Variants in KCND2 observed in about 807,000 individuals in gnomAD.
KCND2 encodes the protein potassium voltage-gated channel subfamily D member 2, also known as A-type voltage-gated potassium channel KCND2.
A neutral mutation model predicts 54.4 loss-of-function variants in KCND2; 16 were observed. The observed-to-expected ratio is 0.29, with a 90% CI of 0.20 to 0.45. The LOEUF is 0.45. Among genes scored for constraint, KCND2 ranks in the 20% least tolerant of loss-of-function variants. The pLI, the probability that KCND2 is intolerant of heterozygous loss-of-function variation, is 1.00. For missense variants in KCND2, 486 were observed against 824.2 expected (o/e 0.59, Z 5.02); for synonymous variants, 317 against 310.7 (o/e 1.02, Z -0.21).
chr7:120,315,857 A>C (rs1035156100), intron 1 of KCND2, among the ~76,000 whole-genome samples: 3 of 151,578 alleles, frequency 2.0e-5, no homozygotes, highest in African/African-American at 4.9e-5. Context: ...ATGGACTAAA[A>C]ATTTGATCCA....
rs1377084926 is a variant in KCND2, at chr7:120,446,557, CACACACAT to C, written c.1115+170816_1115+170823del. 3.8e-3 allele frequency among the ~76,000 whole-genome samples: 519 copies of C among 136,360 alleles called. 2 individuals are homozygous for C. The highest frequency in any genetic ancestry group is 0.016 in the African/African-American group (495 of 30,592). 89.5% of individuals were successfully genotyped at this position (136,360 alleles called of 152,430 possible). A position where few individuals can be genotyped will look rare whatever the true frequency, so the allele number is the denominator to read the frequency against. Reference sequence around the variant, plus strand: ...ATACCATATTATAAACACACACACACACACACATACACATACACATACACTGATACACT... The same window carrying C: ...ATACCATATTATAAACACACACACACACACATACACATACACTGATACACT... On this transcript the variant is annotated intron_variant, in intron 1 of 5. Coordinates refer to ENST00000331113, the MANE Select transcript of KCND2 (RefSeq NM_012281.3).
chr7:120,439,634 G>C (rs568406685), intron 1 of KCND2, among the ~76,000 whole-genome samples: 7 of 151,922 alleles, frequency 4.6e-5, no homozygotes, highest in Non-Finnish European at 1.0e-4. Flanking sequence ...TTTTGTACCT[G>C]CTAACCAAAC....
chr7:120,487,870 A>G (rs747532200), intron 1 of KCND2, among the ~76,000 whole-genome samples: 15 of 152,096 alleles, frequency 9.9e-5, no homozygotes, highest in Non-Finnish European at 1.5e-4. Flanking sequence ...ATAACGAGTA[A>G]AAAACCAAAT....
At chr7:120,558,433 A>T (rs1792191649) in intron 1 of KCND2, among the ~76,000 whole-genome samples, 1 of 152,138 alleles carries the variant, frequency 6.6e-6, no homozygotes, top group Admixed American at 6.6e-5. Context: ...ACACACAAAC[A>T]CATCCTCACC....
intron 1 of KCND2, among the ~76,000 whole-genome samples, chr7:120,325,525 T>C (rs1799961505): frequency 6.6e-6 from 1 of 151,694 alleles, no homozygotes; most frequent in East Asian, 1.9e-4. Flanking sequence ...TGTTGAATTT[T>C]GTCAAAGGCC....
rs1031887816 is a variant in KCND2 at position 120,583,787 on chromosome 7, G to C, written c.1116-149116G>C. On this transcript the variant is annotated intron_variant, in intron 1 of 5. Transcript: ENST00000331113. ...TAGGAATTCAGCATAGGAATTGTGG[G>C]GGGGGGGACAAAATTCAGCACATAA... Among the ~76,000 whole-genome samples, 19 of 149,750 alleles carry C rather than the reference G, an allele frequency of 1.3e-4. 2 individuals carry two copies. In the South Asian group the frequency reaches 2.8e-3, roughly 22 times the overall value.
chr7:120,704,343 GT>G (rs1175171430), intron 1 of KCND2, among the ~76,000 whole-genome samples: 2 of 151,350 alleles, frequency 1.3e-5, no homozygotes, highest in East Asian at 3.9e-4. Flanking sequence ...AAATTTTCAG[GT>G]TTTTTTTTCT....
chr7:120,452,896 C>A, intron 1 of KCND2, among the ~76,000 whole-genome samples: 1 of 152,150 alleles, frequency 6.6e-6, no homozygotes, highest in Non-Finnish European at 1.5e-5. Context: ...GGAGCCAGTA[C>A]CATCTGAGCA....
intron 1 of KCND2, among the ~76,000 whole-genome samples, chr7:120,716,916 A>C (rs1244147195): frequency 6.6e-6 from 1 of 152,066 alleles, no homozygotes; most frequent in Non-Finnish European, 1.5e-5. Context: ...ATGGTACTGA[A>C]CTCAATATTT....
intron 1 of KCND2, among the ~76,000 whole-genome samples, chr7:120,570,040 G>A (rs527430285): frequency 3.9e-5 from 6 of 152,136 alleles, no homozygotes; most frequent in African/African-American, 7.2e-5. Flanking sequence ...AGAAGTGTCC[G>A]TGTCCCTTTT....
intron 1 of KCND2, among the ~76,000 whole-genome samples, chr7:120,494,326 A>G (rs777249420): frequency 3.9e-5 from 6 of 152,096 alleles, no homozygotes; most frequent in Non-Finnish European, 7.4e-5. Flanking sequence ...GTTTATTTCT[A>G]TATATTGTGA....
At chr7:120,684,225 G>A (rs1007611594) in intron 1 of KCND2, among the ~76,000 whole-genome samples, 23 of 152,064 alleles carry the variant, frequency 1.5e-4, no homozygotes, top group African/African-American at 5.6e-4. Context: ...TTCAGAAACA[G>A]CAAGTTCACG....
At chr7:120,330,970 C>A (rs1800059205) in intron 1 of KCND2, among the ~76,000 whole-genome samples, 1 of 151,956 alleles carries the variant, frequency 6.6e-6, no homozygotes, top group Non-Finnish European at 1.5e-5. Context: ...ATATTTCCAA[C>A]TGAAGATTGA....
chr7:120,530,429 C>T (rs1254472550), intron 1 of KCND2, among the ~76,000 whole-genome samples: 5 of 152,268 alleles, frequency 3.3e-5, no homozygotes, highest in African/African-American at 1.2e-4. Flanking sequence ...TTATTCAGAG[C>T]AGGTGCTTTC....
At chr7:120,351,954 G>A (rs1407331619) in intron 1 of KCND2, among the ~76,000 whole-genome samples, 2 of 151,892 alleles carry the variant, frequency 1.3e-5, no homozygotes, top group Non-Finnish European at 2.9e-5. Flanking sequence ...TGGGACTGCG[G>A]GCATGCACCA....
chr7:120,740,858 G>A (rs921893502), intron 2 of KCND2: 7 of 455,958 alleles, frequency 1.5e-5, no homozygotes, highest in African/African-American at 8.0e-5. Context: ...ACAGTCGTGC[G>A]GACCCGTGCC....
chr7:120,698,237 A>G (rs1312931996), intron 1 of KCND2, among the ~76,000 whole-genome samples: 1 of 151,994 alleles, frequency 6.6e-6, no homozygotes, highest in South Asian at 2.1e-4. Context: ...CTGGTCTCGA[A>G]CTCAACCTTT....
chr7:120,726,745 G>C (rs940527397), intron 1 of KCND2, among the ~76,000 whole-genome samples: 1 of 152,142 alleles, frequency 6.6e-6, no homozygotes, highest in Non-Finnish European at 1.5e-5. Flanking sequence ...TGTAGTAGTT[G>C]AAATGCAGCA....
intron 1 of KCND2, among the ~76,000 whole-genome samples, chr7:120,714,015 T>C (rs576546321): frequency 6.6e-5 from 10 of 152,266 alleles, no homozygotes; most frequent in African/African-American, 2.4e-4. Context: ...TAAAGAAATA[T>C]TTTGCTCACT....
Sources: allele counts gnomAD v4.1 joint callset (sites outside exome capture counted in the v4.1 genomes callset), GRCh38; gene constraint gnomAD v4.1.1; transcripts MANE v1.5; gene names NCBI Gene and HGNC (gene_info 2026-07-23, HGNC 2026-07-21).